The following COL21A1 variants were observed in gnomAD, a reference collection of about 807,000 sequenced individuals.
COL21A1 encodes collagen alpha-1(XXI) chain.
A neutral mutation model predicts 137.9 loss-of-function variants in COL21A1; 149 were observed. That is an observed-to-expected ratio of 1.08 (90% CI 0.95 to 1.24). The LOEUF is 1.24. Among genes scored for constraint, COL21A1 ranks in the 50% most tolerant of loss-of-function variants. COL21A1 has a pLI of 0.00. For synonymous variants in COL21A1, 456 were observed against 391.5 expected, an observed-to-expected ratio of 1.16 and a Z score of -1.95; for missense variants, 1,167 against 1,158.4, an observed-to-expected ratio of 1.01 and a Z score of -0.11.
At chr6:56,134,297 G>A (rs758737066) in intron 12 of COL21A1, among the ~76,000 whole-genome samples, 10 of 152,266 alleles carry the variant, frequency 6.6e-5, no homozygotes, top group Middle Eastern at 3.4e-3. Flanking sequence ...TGACTGCACC[G>A]CTGGATTTCA....
At chr6:56,061,883 A>T (rs1765829545) in intron 24 of COL21A1, among the ~76,000 whole-genome samples, 2 of 152,136 alleles carry the variant, frequency 1.3e-5, no homozygotes, top group Non-Finnish European at 2.9e-5. Flanking sequence ...TAATATAAAA[A>T]TTTTAATTTG....
At chr6:56,311,113 A>T (rs1764604654) in intron 1 of COL21A1, among the ~76,000 whole-genome samples, 1 of 152,248 alleles carries the variant, frequency 6.6e-6, no homozygotes, top group South Asian at 2.1e-4. Flanking sequence ...GAAAACTTTC[A>T]AAACTCTTAA....
At chr6:56,076,276 C>T (rs985030615) in intron 18 of COL21A1, among the ~76,000 whole-genome samples, 1 of 151,338 alleles carries the variant, frequency 6.6e-6, no homozygotes, top group Non-Finnish European at 1.5e-5. Flanking sequence ...TGGCTACCAG[C>T]AAAAGGCAGG....
At position 56,324,934 on chromosome 6, in the gene COL21A1, T is replaced by G. The variant is rs146437231; in HGVS notation, c.-39+69037A>C. On this transcript the variant is annotated intron_variant, in intron 1 of 28. Transcript: ENST00000370819. ...CTCATATGAAAGATGCCTTCCTATA[T>G]ACACAGTACTTTTATCTCTGAAGAT... Among the ~76,000 whole-genome samples, 456 of 151,974 alleles carry G rather than the reference T, an allele frequency of 3.0e-3. 6 individuals are homozygous for G. The highest frequency in any genetic ancestry group is 0.011 in the African/African-American group (439 of 41,484).
chr6:56,212,264 T>A (rs2152306909), intron 1 of COL21A1, among the ~76,000 whole-genome samples: 1 of 152,156 alleles, frequency 6.6e-6, no homozygotes, highest in South Asian at 2.1e-4. Flanking sequence ...TACTTTGAAT[T>A]ATCCTGGTTC....
chr6:56,085,531 A>G lies in COL21A1; in HGVS notation c.1813-7958T>C, dbSNP rs186560219. Among the ~76,000 whole-genome samples the G allele has an allele frequency of 1.9e-3, 287 of 152,262 alleles. 1 individual carries two copies. Among genetic ancestry groups the G allele is most frequent in the Non-Finnish European group, 2.9e-3 (194 of 67,990 alleles). ...TTAAAGCATGTATGGTCTGAAAAAT[A>G]TTAAAATGTCAGAATTCTTTTCTTG... On this transcript the variant is annotated intron_variant, in intron 17 of 29. Transcript: ENST00000244728.
intron 1 of COL21A1, among the ~76,000 whole-genome samples, chr6:56,380,166 T>G (rs889077413): frequency 6.6e-6 from 1 of 151,988 alleles, no homozygotes; most frequent in African/African-American, 2.4e-5. Context: ...CCCTAGCACC[T>G]CCTCCCCTCT....
chr6:56,212,162 T>C (rs1780211089), intron 1 of COL21A1, among the ~76,000 whole-genome samples: 1 of 152,102 alleles, frequency 6.6e-6, no homozygotes. Flanking sequence ...ATAGAGGGTT[T>C]CCTAGAAATG....
chr6:56,135,663 A>C (rs1773943502), intron 12 of COL21A1, among the ~76,000 whole-genome samples: 1 of 152,174 alleles, frequency 6.6e-6, no homozygotes, highest in Admixed American at 6.5e-5. Flanking sequence ...TGTTTCTTAC[A>C]GTCTTATTGG....
At chr6:56,143,046 C>G (rs530466362) in intron 10 of COL21A1, among the ~76,000 whole-genome samples, 1 of 152,150 alleles carries the variant, frequency 6.6e-6, no homozygotes, top group East Asian at 1.9e-4. Context: ...TTTCAAGTAT[C>G]CTTTCTAATA....
At chr6:56,287,993 G>T (rs1039357328) in intron 1 of COL21A1, among the ~76,000 whole-genome samples, 16 of 152,238 alleles carry the variant, frequency 1.1e-4, no homozygotes, top group African/African-American at 3.9e-4. Context: ...CCACCAGAAG[G>T]AGTACAGCCC....
chr6:56,334,222 G>C (rs1765291677), intron 1 of COL21A1, among the ~76,000 whole-genome samples: 1 of 151,960 alleles, frequency 6.6e-6, no homozygotes, highest in Admixed American at 6.6e-5. Context: ...CCAGAAACAT[G>C]GTGTCAAAGT....
chr6:56,062,860 A>G lies in COL21A1; in HGVS notation c.2173-1179T>C, dbSNP rs963525856. Among the ~76,000 whole-genome samples the G allele has an allele frequency of 3.9e-5, 6 of 152,184 alleles. No individual in the cohort carries two copies. The East Asian group carries it at 5.8e-4, about 15-fold the overall frequency. On this transcript the variant is annotated intron_variant, in intron 24 of 29. Coordinates refer to ENST00000244728, the MANE Select transcript of COL21A1 (RefSeq NM_030820.4). ...GAGAGACAAAACAGTTAAGTTCTCAATATGGGAATTGAATTAGAGCTAAAA... is the reference window on the plus strand; with the variant it reads ...GAGAGACAAAACAGTTAAGTTCTCAGTATGGGAATTGAATTAGAGCTAAAA...
chr6:56,203,730 G>A (rs989220898), intron 1 of COL21A1, among the ~76,000 whole-genome samples: 1 of 152,202 alleles, frequency 6.6e-6, no homozygotes, highest in Non-Finnish European at 1.5e-5. Flanking sequence ...GATCAACACA[G>A]AAGGTGGGTG....
At chr6:56,090,452 A>G (rs17683955) in intron 17 of COL21A1, among the ~76,000 whole-genome samples, 23,100 of 152,148 alleles carry the variant, frequency 0.15, 1,779 homozygotes, top group Middle Eastern at 0.22. Flanking sequence ...TGTACAGATA[A>G]TGAGCCAACA....
chr6:56,090,109 C>T (rs544835961), intron 17 of COL21A1, among the ~76,000 whole-genome samples: 1 of 152,050 alleles, frequency 6.6e-6, no homozygotes, highest in African/African-American at 2.4e-5. Flanking sequence ...CATGGTGGCA[C>T]GCGCCTGTAG....
chr6:56,122,620 G>A (rs982724578), intron 16 of COL21A1, among the ~76,000 whole-genome samples: 2 of 152,042 alleles, frequency 1.3e-5, no homozygotes, highest in African/African-American at 4.8e-5. Flanking sequence ...TGAATTTTAT[G>A]GTATTTCAAT....
Position 56,298,833 on chromosome 6 carries a change from A to ATTCAATTTCTTAT in COL21A1, c.-39+95137_-39+95138insATAAGAAATTGAA, listed in dbSNP as rs1764217072. On this transcript the variant is annotated intron_variant, in intron 1 of 28. Coordinates refer to the COL21A1 transcript ENST00000370819. ...CTATTTAATCTTTTTGAAGTTTCTTATTCAATTTAAGAAATGCAAGTTACT... is the reference window on the plus strand; with the variant it reads ...CTATTTAATCTTTTTGAAGTTTCTTATTCAATTTCTTATTTCAATTTAAGAAATGCAAGTTACT... Among the ~76,000 whole-genome samples, 6 of 152,252 alleles carry ATTCAATTTCTTAT rather than the reference A, an allele frequency of 3.9e-5. 1 individual carries two copies. In the South Asian group the frequency reaches 1.2e-3, roughly 32 times the overall value.
At chr6:56,275,338 T>G (rs114615929) in intron 1 of COL21A1, among the ~76,000 whole-genome samples, 3,794 of 152,170 alleles carry the variant, frequency 0.025, 77 homozygotes, top group Non-Finnish European at 0.04. Flanking sequence ...AAAGCAATTG[T>G]AACACAAACA....
Sources: allele counts gnomAD v4.1 joint callset (sites outside exome capture counted in the v4.1 genomes callset), GRCh38; gene constraint gnomAD v4.1.1; transcripts MANE v1.5; gene names NCBI Gene and HGNC (gene_info 2026-07-23, HGNC 2026-07-21).